ADAMTSL3: variants seen among roughly 807,000 people sequenced by gnomAD.
ADAMTSL3 encodes ADAMTS-like protein 3.
Under a neutral mutation model 201.7 loss-of-function variants are expected in ADAMTSL3, and 128 were observed. The observed-to-expected ratio is 0.63, with a 90% CI of 0.55 to 0.73. The LOEUF is 0.73. ADAMTSL3 is among the 30% of genes least tolerant of loss of function. The pLI, the probability that ADAMTSL3 is intolerant of heterozygous loss-of-function variation, is 0.00. For missense variants in ADAMTSL3, 1,990 were observed against 2,119.6 expected (o/e 0.94, Z 1.20); for synonymous variants, 738 against 748.4 (o/e 0.99, Z 0.23).
At chr15:83,735,595 G>T (rs1264789258) in intron 3 of ADAMTSL3, among the ~76,000 whole-genome samples, 2 of 151,972 alleles carry the variant, frequency 1.3e-5, no homozygotes, top group African/African-American at 4.8e-5. Flanking sequence ...TGGGGGATCA[G>T]TGGGTGATTT....
At chr15:83,946,033 A>T (rs746695867) in intron 19 of ADAMTSL3, 1 of 152,428 alleles carries the variant, frequency 6.6e-6, no homozygotes, top group Non-Finnish European at 1.5e-5. Flanking sequence ...GCAAAGGGGC[A>T]GATATTGAGG....
chr15:83,767,398 C>G (rs192788744), intron 3 of ADAMTSL3, among the ~76,000 whole-genome samples: 89 of 152,250 alleles, frequency 5.8e-4, no homozygotes, highest in Middle Eastern at 6.8e-3. Context: ...GGATTGGGTC[C>G]AAATAACAAC....
At chr15:83,951,387 T>A (rs2066754401) in intron 19 of ADAMTSL3, among the ~76,000 whole-genome samples, 1 of 152,174 alleles carries the variant, frequency 6.6e-6, no homozygotes, top group South Asian at 2.1e-4. Flanking sequence ...TGATGAATGA[T>A]CTTTTACTGT....
At chr15:83,809,578 AATAG>A (rs1440146117) in intron 5 of ADAMTSL3, among the ~76,000 whole-genome samples, 1 of 152,194 alleles carries the variant, frequency 6.6e-6, no homozygotes, top group African/African-American at 2.4e-5. Context: ...CTTTTCTTTA[AATAG>A]ATCTGCCTTT....
intron 17 of ADAMTSL3, among the ~76,000 whole-genome samples, chr15:83,931,248 T>C (rs893034101): frequency 1.3e-5 from 2 of 152,230 alleles, no homozygotes; most frequent in Admixed American, 6.5e-5. Context: ...AATAGTGATG[T>C]GTTTCTGTAC....
At chr15:83,872,166 G>T (rs1040299707) in intron 9 of ADAMTSL3, among the ~76,000 whole-genome samples, 2 of 152,014 alleles carry the variant, frequency 1.3e-5, no homozygotes, top group African/African-American at 4.8e-5. Context: ...TACATCAAAA[G>T]ATCAGGGTTT....
chr15:83,837,658 G>GTCACA (rs1462796999), intron 6 of ADAMTSL3, among the ~76,000 whole-genome samples: 1 of 151,626 alleles, frequency 6.6e-6, no homozygotes, highest in Non-Finnish European at 1.5e-5. Flanking sequence ...ACAGGCCTGT[G>GTCACA]ACTCAACCTC....
At chr15:84,034,516 G>A (rs866058755) in intron 28 of ADAMTSL3, among the ~76,000 whole-genome samples, 5 of 152,184 alleles carry the variant, frequency 3.3e-5, no homozygotes, top group African/African-American at 1.2e-4. Context: ...TTATGGCAAG[G>A]TGACAACATG....
intron 3 of ADAMTSL3, among the ~76,000 whole-genome samples, chr15:83,716,515 CAAA>C (rs751248003): frequency 5.6e-5 from 3 of 53,676 alleles, no homozygotes; most frequent in Non-Finnish European, 4.0e-5. Flanking sequence ...AACTCCGTCT[CAAA>C]AAAAAAAAAA....
At position 83,923,907 on chromosome 15, in the gene ADAMTSL3, A is replaced by G. The variant is rs1184935370; in HGVS notation, c.1991A>G (p.His664Arg). 4 of 1,613,802 alleles carry G rather than the reference A, an allele frequency of 2.5e-6. No individual in the cohort carries two copies. The highest frequency in any genetic ancestry group is 3.4e-6 in the Non-Finnish European group (4 of 1,179,936). The change falls in exon 17 of 30, where the codon CAT becomes CGT. Residue 664 changes from histidine to arginine, a missense_variant. By Grantham distance (29) the His-to-Arg change is conservative. Transcript: ENST00000286744. ...TPCTATCVGG[H>R]QEAIAVCLHI... ...TTTTCCTCTTTCTAACCTGCAGGCC[A>G]TCAAGAAGCCATAGCAGTGTGCTTA...
chr15:83,760,918 T>C (rs564969729), intron 3 of ADAMTSL3, among the ~76,000 whole-genome samples: 1 of 152,284 alleles, frequency 6.6e-6, no homozygotes, highest in South Asian at 2.1e-4. Context: ...ATCCTGACAA[T>C]CTGTCTTTTA....
chr15:84,031,309 C>T (rs1303451563), intron 27 of ADAMTSL3, 26 bp from the exon 28 acceptor site: 1 of 1,606,070 alleles, frequency 6.2e-7, no homozygotes, highest in Admixed American at 1.7e-5. Context: ...GCAGGATTTA[C>T]ACTGCACTGT....
chr15:83,903,810 C>T (rs770667939), intron 15 of ADAMTSL3, among the ~76,000 whole-genome samples: 6 of 148,062 alleles, frequency 4.1e-5, no homozygotes, highest in Non-Finnish European at 3.0e-5. Context: ...CCCAGCTACT[C>T]GGGAGGCTAA....
chr15:83,888,921 C>G (rs889134079), intron 10 of ADAMTSL3, among the ~76,000 whole-genome samples: 1 of 152,168 alleles, frequency 6.6e-6, no homozygotes, highest in African/African-American at 2.4e-5. Flanking sequence ...TATTTTTAGA[C>G]CTTTAGACCA....
At chr15:83,951,236 A>C (rs2066752279) in intron 19 of ADAMTSL3, among the ~76,000 whole-genome samples, 3 of 151,870 alleles carry the variant, frequency 2.0e-5, no homozygotes, top group Non-Finnish European at 2.9e-5. Context: ...AGGGATGTTA[A>C]ATTTTATCAC....
At chr15:83,693,513 G>T (rs2061640667) in intron 2 of ADAMTSL3, among the ~76,000 whole-genome samples, 1 of 152,166 alleles carries the variant, frequency 6.6e-6, no homozygotes, top group African/African-American at 2.4e-5. Context: ...CAGGTTCCTA[G>T]AGAGTATAGA....
intron 20 of ADAMTSL3, among the ~76,000 whole-genome samples, chr15:83,975,955 G>T (rs12902549): frequency 0.026 from 3,948 of 152,252 alleles, 81 homozygotes; most frequent in Non-Finnish European, 0.043. Flanking sequence ...GGAAATATGA[G>T]AGTATGGCTG....
At chr15:83,747,472 A>G (rs1363514604) in intron 3 of ADAMTSL3, among the ~76,000 whole-genome samples, 1 of 152,150 alleles carries the variant, frequency 6.6e-6, no homozygotes, top group Non-Finnish European at 1.5e-5. Flanking sequence ...TCAGGTACCC[A>G]TCCAGATCTG....
intron 28 of ADAMTSL3, among the ~76,000 whole-genome samples, chr15:84,036,522 G>A (rs974625107): frequency 1.7e-4 from 26 of 152,174 alleles, no homozygotes; most frequent in African/African-American, 6.3e-4. Context: ...GGAAACACAT[G>A]GTTTGCTTGC....
Sources: gnomAD v4.1 joint callset for allele counts (sites outside exome capture counted in the v4.1 genomes callset) on GRCh38, gnomAD v4.1.1 for gene constraint, MANE v1.5 for transcripts, NCBI Gene and HGNC (gene_info 2026-07-23, HGNC 2026-07-21) for gene names.